Variants in SCN10A observed in about 807,000 individuals in gnomAD.
SCN10A encodes sodium channel protein type 10 subunit alpha.
Under a neutral mutation model 170.7 loss-of-function variants are expected in SCN10A, and 162 were observed. The ratio of observed to expected loss-of-function variants is 0.95; its 90% CI spans 0.84 to 1.08. SCN10A has a LOEUF of 1.08. Among genes scored for constraint, SCN10A ranks in the 50% least tolerant of loss-of-function variants. The probability of loss-of-function intolerance (pLI) is 0.00; values close to 1 mark genes in which losing one functional copy is unlikely to be tolerated. For missense variants in SCN10A, 2,527 were observed against 2,436.9 expected (o/e 1.04, Z -0.78); for synonymous variants, 985 against 904.6 (o/e 1.09, Z -1.59).
At chr3:38,806,693 AT>A (rs543436505) in intron 1 of SCN10A, among the ~76,000 whole-genome samples, 281 of 152,310 alleles carry the variant, frequency 1.8e-3, no homozygotes, top group African/African-American at 6.5e-3. Context: ...CAAATGCATA[AT>A]ATAGACCTTA....
At chr3:38,715,745 C>A (rs1268846367) in intron 21 of SCN10A, among the ~76,000 whole-genome samples, 1 of 152,180 alleles carries the variant, frequency 6.6e-6, no homozygotes. Flanking sequence ...TACTAATTGC[C>A]CCCAGCAGTG....
chr3:38,728,733 G>A lies in SCN10A; in HGVS notation c.2449C>T (p.Arg817Ter), dbSNP rs763084100. The change falls in exon 16 of 28, where the codon CGA becomes TGA. Residue 817 changes from arginine (R) to a stop codon, truncating the protein, a stop_gained. Coordinates refer to ENST00000449082, the MANE Select transcript of SCN10A (RefSeq NM_006514.4). LOFTEE classifies it high-confidence loss of function. ...QLLGENYRNN[R>*]KNISAPHEDW... ...TCATGGGGCGCGGAGATATTTTTTC[G>A]GTTGTTACGGTAGTTTTCCCCTAGG... 17 of 1,614,114 alleles carry A rather than the reference G, an allele frequency of 1.1e-5. No homozygotes were observed. Among genetic ancestry groups the A allele is most frequent in the East Asian group, 2.2e-5 (1 of 44,880 alleles).
intron 4 of SCN10A, among the ~76,000 whole-genome samples, chr3:38,782,492 CT>C (rs2064150374): frequency 6.6e-6 from 1 of 152,016 alleles, no homozygotes; most frequent in African/African-American, 2.4e-5. Context: ...TATATTTATA[CT>C]GTTCTTTCCC....
Position 38,697,018 on chromosome 3 carries a change from G to A in SCN10A, c.*331C>T, listed in dbSNP as rs1559404793. ...TTGTTCTATATCTTTGGAAGTTCTG[G>A]TCCTGAGAAGTTTGTCTCAGTAAAT... is the stretch of plus-strand genomic sequence containing the variant. On this transcript the variant is annotated 3_prime_UTR_variant, in exon 28 of 28. Transcript: ENST00000449082. 1.6e-5 allele frequency: 5 copies of A among 318,510 alleles called. No homozygotes were observed. Among genetic ancestry groups the A allele is most frequent in the African/African-American group, 2.1e-5 (1 of 47,610 alleles). The allele number at this position is 318,510 out of a possible 1,614,324, so 19.7% of individuals were successfully genotyped here.
intron 8 of SCN10A, among the ~76,000 whole-genome samples, chr3:38,757,985 C>G (rs1208040738): frequency 1.3e-5 from 2 of 152,188 alleles, no homozygotes; most frequent in Non-Finnish European, 2.9e-5. Context: ...ATCAATGAAA[C>G]AGCAATGCCT....
chr3:38,725,837 G>A (rs189079827), intron 17 of SCN10A, among the ~76,000 whole-genome samples: 1 of 152,340 alleles, frequency 6.6e-6, no homozygotes, highest in Admixed American at 6.5e-5. Flanking sequence ...CTAGACAAAG[G>A]CATGTAAAAT....
chr3:38,775,451 A>G (rs746701844), intron 4 of SCN10A, among the ~76,000 whole-genome samples: 5 of 152,184 alleles, frequency 3.3e-5, no homozygotes, highest in African/African-American at 9.6e-5. Flanking sequence ...TTACATATAT[A>G]CTACATTTTT....
rs1169053727 is a variant in SCN10A at position 38,718,694 on chromosome 3, A to G, written c.3640T>C (p.Phe1214Leu). ...TCCAGCCAGCACCAGGCATTGGTGA[A>G]GTACTTTTTGAAGCCATAGGCCACC... is the stretch of plus-strand genomic sequence containing the variant. ...KWVAYGFKKY[F>L]TNAWCWLDFL... Residue 1214 changes from phenylalanine (F) to leucine (L), a missense_variant, in exon 21 of 28, where the codon TTC (phenylalanine) becomes CTC (leucine). Transcript: ENST00000449082. 1.9e-6 allele frequency: 3 copies of G among 1,614,246 alleles called. No homozygotes were observed. The South Asian group carries it at 3.3e-5, about 18-fold the overall frequency.
At chr3:38,729,057 C>T (rs2063488579) in intron 15 of SCN10A, among the ~76,000 whole-genome samples, 156 bp from the exon 16 acceptor site, 1 of 152,198 alleles carries the variant, frequency 6.6e-6, no homozygotes, top group Non-Finnish European at 1.5e-5. Context: ...GACCTTTCTT[C>T]CTATGCTATA....
At position 38,726,848 on chromosome 3, in the gene SCN10A, C is replaced by A; in HGVS notation, c.2845G>T (p.Val949Leu). 1 of 1,614,042 alleles carries A rather than the reference C, an allele frequency of 6.2e-7. No individual in the cohort carries two copies. The highest frequency in any genetic ancestry group is 8.5e-7 in the Non-Finnish European group (1 of 1,179,920). The change falls in exon 17 of 28, where the codon GTG becomes TTG. Residue 949 changes from valine (V) to leucine (L), a missense_variant. Transcript: ENST00000449082. ...PQPKAEPELV[V>L]KLPLSSSKAE... The stretch of plus-strand genomic sequence containing the variant: ...TTGGAGCTGGAGAGTGGGAGTTTCA[C>A]CACCAGCTCAGGCTCTGCCTTGGGC...
intron 2 of SCN10A, among the ~76,000 whole-genome samples, chr3:38,793,080 ATG>A (rs1237645809): frequency 6.6e-6 from 1 of 151,996 alleles, no homozygotes; most frequent in Non-Finnish European, 1.5e-5. Context: ...TATACATCAT[ATG>A]TGTGTGTATA....
intron 6 of SCN10A, among the ~76,000 whole-genome samples, chr3:38,761,930 A>G (rs2063879364): frequency 6.6e-6 from 1 of 152,176 alleles, no homozygotes; most frequent in African/African-American, 2.4e-5. Flanking sequence ...AGAAAGAAAA[A>G]GAAAGAGACA....
rs61487238 is a variant in SCN10A, at chr3:38,722,580, C to T, written c.3353-168G>A. Among the ~76,000 whole-genome samples the T allele has an allele frequency of 0.22, 33,552 of 152,166 alleles. 4,090 individuals carry two copies. The highest frequency in any genetic ancestry group is 0.4 in the East Asian group (2,072 of 5,160). On this transcript the variant is annotated intron_variant, in intron 19 of 27. Transcript: ENST00000449082. ...GAGGGGTCCCTTCCAGGGAGTCCCT[C>T]AATCCAGACCAACAGGTGTTCCTCT...
Position 38,793,780 on chromosome 3 carries a change from C to T in SCN10A, c.231G>A (p.Glu77=), listed in dbSNP as rs200249016. The change falls in exon 2 of 28, where the codon GAG becomes GAA. Residue 77 remains glutamate, a synonymous_variant. Coordinates refer to ENST00000449082, the MANE Select transcript of SCN10A (RefSeq NM_006514.4). ...YGELPAELIG[E]PLEDLDPFYS... is the part of the protein sequence containing the mutation. ...AGAACGGATCTAGATCCTCCAGGGGCTCCCCGATCAGTTCTGCTGGGAGCT... is the reference window on the plus strand; with the variant it reads ...AGAACGGATCTAGATCCTCCAGGGGTTCCCCGATCAGTTCTGCTGGGAGCT... 9 of 1,613,878 alleles carry T rather than the reference C, an allele frequency of 5.6e-6. No individual in the cohort carries two copies. In the Admixed American group the frequency reaches 1.2e-4, roughly 21 times the overall value.
intron 17 of SCN10A, 111 bp downstream of exon 17, chr3:38,726,495 T>C (rs1354903007): frequency 2.3e-6 from 2 of 881,826 alleles, no homozygotes; most frequent in Non-Finnish European, 3.3e-6. Context: ...TTGGCATGGT[T>C]TAAACTTCTT....
intron 27 of SCN10A, among the ~76,000 whole-genome samples, chr3:38,699,203 T>G (rs771599013): frequency 0.02 from 2,971 of 151,664 alleles, 45 homozygotes; most frequent in Non-Finnish European, 0.031. Context: ...AATTTGTTTT[T>G]TTTTTTTTTT....
chr3:38,755,289 G>GAA (rs766168331), intron 11 of SCN10A, among the ~76,000 whole-genome samples: 1 of 147,092 alleles, frequency 6.8e-6, no homozygotes, highest in African/African-American at 2.5e-5. Context: ...CGACGCATCA[G>GAA]AAAAAAAAAA....
In SCN10A at chr3:38,761,293, G is replaced by A; in HGVS notation, c.782C>T (p.Ala261Val). ...ILTIFCLSVF[A>V]LVGLQLFKGN... ...CTTGAAGAGTTGCAGCCCCACCAAG[G>A]CAAAAACACTTAGGCAGAAGATGGT... Residue 261 changes from alanine to valine, a missense_variant, in exon 7 of 28, where the codon GCC becomes GTC. By Grantham distance (64) the Ala-to-Val change is moderately conservative. Coordinates refer to ENST00000449082, the MANE Select transcript of SCN10A (RefSeq NM_006514.4). 7 of 1,613,926 alleles carry A rather than the reference G, an allele frequency of 4.3e-6. No homozygotes were observed. The highest frequency in any genetic ancestry group is 1.1e-5 in the South Asian group (1 of 91,028).
intron 24 of SCN10A, 118 bp downstream of exon 24, chr3:38,710,726 G>A: frequency 2.1e-6 from 2 of 932,656 alleles, no homozygotes. Flanking sequence ...ACAGTGTGAG[G>A]TTGCTGGGTG....
Sources: gnomAD v4.1 joint callset for allele counts (sites outside exome capture counted in the v4.1 genomes callset) on GRCh38, gnomAD v4.1.1 for gene constraint, MANE v1.5 for transcripts, NCBI Gene and HGNC (gene_info 2026-07-23, HGNC 2026-07-21) for gene names.